The following MAGI3 variants were observed in gnomAD, a reference collection of about 807,000 sequenced individuals.
MAGI3 encodes the protein membrane associated guanylate kinase, WW and PDZ domain containing 3, also known as membrane-associated guanylate kinase, WW and PDZ domain-containing protein 3.
A neutral mutation model predicts 121.8 loss-of-function variants in MAGI3; 43 were observed. The ratio of observed to expected loss-of-function variants is 0.35; its 90% CI spans 0.28 to 0.46. The LOEUF (loss-of-function observed/expected upper bound fraction) is 0.46. MAGI3 is among the 20% of genes least tolerant of loss of function. The pLI, the probability that MAGI3 is intolerant of heterozygous loss-of-function variation, is 1.00. For synonymous variants in MAGI3, 553 were observed against 639.3 expected, an observed-to-expected ratio of 0.86 and a Z score of 2.04; for missense variants, 1,547 against 1,797.3, an observed-to-expected ratio of 0.86 and a Z score of 2.52.
At chr1:113,589,063 A>G (rs1235078220) in intron 4 of MAGI3, among the ~76,000 whole-genome samples, 3 of 152,134 alleles carry the variant, frequency 2.0e-5, no homozygotes, top group Non-Finnish European at 4.4e-5. Flanking sequence ...AGCCCTAGCT[A>G]GGAGTACAAA....
At chr1:113,542,106 A>G (rs765432405) in intron 1 of MAGI3, among the ~76,000 whole-genome samples, 1 of 152,148 alleles carries the variant, frequency 6.6e-6, no homozygotes, top group Non-Finnish European at 1.5e-5. Flanking sequence ...TCTGTACAGT[A>G]GTCCCCCCCT....
intron 16 of MAGI3, among the ~76,000 whole-genome samples, chr1:113,667,907 C>G (rs886264333): frequency 4.6e-5 from 7 of 152,074 alleles, no homozygotes; most frequent in Non-Finnish European, 1.0e-4. Context: ...TTGATGGAGC[C>G]AGCACACACA....
chr1:113,611,088 CTT>C (rs139111390), intron 6 of MAGI3, among the ~76,000 whole-genome samples: 23 of 137,148 alleles, frequency 1.7e-4, no homozygotes, highest in Admixed American at 3.7e-4. Flanking sequence ...CATAATTATT[CTT>C]TTTTTTTTTT....
At chr1:113,486,509 T>G (rs1258218772) in intron 1 of MAGI3, among the ~76,000 whole-genome samples, 1 of 152,230 alleles carries the variant, frequency 6.6e-6, no homozygotes, top group African/African-American at 2.4e-5. Flanking sequence ...GATTTGATTC[T>G]CAGTCAAGCT....
intron 6 of MAGI3, among the ~76,000 whole-genome samples, chr1:113,607,448 A>G (rs1013450919): frequency 1.3e-5 from 2 of 152,194 alleles, no homozygotes; most frequent in African/African-American, 4.8e-5. Context: ...TAAAATGGAA[A>G]TGTCACTTTA....
intron 1 of MAGI3, among the ~76,000 whole-genome samples, chr1:113,529,663 C>T (rs1045665466): frequency 6.6e-6 from 1 of 152,132 alleles, no homozygotes; most frequent in Non-Finnish European, 1.5e-5. Context: ...TCCATAGAGG[C>T]ATGCCTAGTA....
intron 2 of MAGI3, among the ~76,000 whole-genome samples, chr1:113,563,750 A>G (rs1333605635): frequency 2.0e-5 from 3 of 152,184 alleles, no homozygotes; most frequent in Non-Finnish European, 2.9e-5. Flanking sequence ...CTGGTTTTCT[A>G]TTCACAAACC....
chr1:113,659,462 A>G (rs1386368352), intron 16 of MAGI3, among the ~76,000 whole-genome samples, 197 bp downstream of exon 16: 1 of 152,214 alleles, frequency 6.6e-6, no homozygotes, highest in Non-Finnish European at 1.5e-5. Context: ...CAGCTCAAGA[A>G]AAATAATCCA....
At chr1:113,519,412 A>T (rs1027076204) in intron 1 of MAGI3, among the ~76,000 whole-genome samples, 1 of 152,186 alleles carries the variant, frequency 6.6e-6, no homozygotes, top group Non-Finnish European at 1.5e-5. Context: ...TTTCTTTTTG[A>T]TATGACTTTT....
Position 113,391,012 on chromosome 1 carries a change from C to G in MAGI3, c.-22C>G. ...CCCGGCCGCCCGCGCGGGGTCTCCC[C>G]CATGGTGCAGCGGGGTTCGGGATGT... On this transcript the variant is annotated 5_prime_UTR_variant, in exon 1 of 21. Transcript: ENST00000307546. This position sits in a 1 kb window ranked among gnomAD's most constrained non-coding sequence, Gnocchi z 4.4. 6.4e-7 allele frequency: 1 copy of G among 1,551,998 alleles called. No individual in the cohort carries two copies. The highest frequency in any genetic ancestry group is 8.7e-7 in the Non-Finnish European group (1 of 1,152,140).
At chr1:113,545,034 CT>C (rs71090708) in intron 1 of MAGI3, among the ~76,000 whole-genome samples, 160 of 143,182 alleles carry the variant, frequency 1.1e-3, no homozygotes, top group East Asian at 4.7e-3. Flanking sequence ...GTTATTGTCA[CT>C]TTTTTTTTTT....
chr1:113,677,535 A>C (rs879931564), intron 19 of MAGI3, among the ~76,000 whole-genome samples: 6 of 152,192 alleles, frequency 3.9e-5, no homozygotes, highest in Non-Finnish European at 7.3e-5. Flanking sequence ...ATTGGATTTC[A>C]TTGATAGGCA....
chr1:113,456,117 A>ATTTTTTTTTT (rs35038942), intron 1 of MAGI3, among the ~76,000 whole-genome samples: 421 of 113,016 alleles, frequency 3.7e-3, no homozygotes, highest in East Asian at 7.9e-3. Flanking sequence ...CGCCCGGCTA[A>ATTTTTTTTTT]TTTTTTTTTT....
intron 1 of MAGI3, among the ~76,000 whole-genome samples, chr1:113,433,364 T>C (rs1394683078): frequency 2.0e-5 from 3 of 152,220 alleles, no homozygotes; most frequent in African/African-American, 7.2e-5. Flanking sequence ...TGTTTTCATT[T>C]AGAGCTGTAC....
chr1:113,516,595 A>G (rs1302758987), intron 1 of MAGI3, among the ~76,000 whole-genome samples: 3 of 152,042 alleles, frequency 2.0e-5, no homozygotes, highest in Admixed American at 6.6e-5. Context: ...AAATGATCTC[A>G]TAAATTAATA....
At chr1:113,548,840 G>T (rs1659648161) in intron 1 of MAGI3, among the ~76,000 whole-genome samples, 1 of 152,176 alleles carries the variant, frequency 6.6e-6, no homozygotes, top group African/African-American at 2.4e-5. Context: ...AATCAGTGGT[G>T]GCTTAGATTA....
chr1:113,623,089 A>C, intron 9 of MAGI3, 95 bp downstream of exon 9: 1 of 821,758 alleles, frequency 1.2e-6, no homozygotes, highest in East Asian at 3.3e-5. Flanking sequence ...AGAAATAATT[A>C]AATTATATAA....
intron 9 of MAGI3, among the ~76,000 whole-genome samples, chr1:113,626,979 G>A (rs2101796451): frequency 6.6e-6 from 1 of 151,906 alleles, no homozygotes; most frequent in African/African-American, 2.4e-5. Flanking sequence ...TTAATCTAGA[G>A]CTTAGTTTTC....
intron 1 of MAGI3, among the ~76,000 whole-genome samples, chr1:113,432,089 GA>G (rs1653330010): frequency 6.6e-6 from 1 of 152,256 alleles, no homozygotes; most frequent in Non-Finnish European, 1.5e-5. Context: ...CAAGTTTGTG[GA>G]AAAAGAATAA....
Sources: allele counts gnomAD v4.1 joint callset (sites outside exome capture counted in the v4.1 genomes callset), GRCh38; gene constraint gnomAD v4.1.1; non-coding constraint Gnocchi (gnomAD v3.1); transcripts MANE v1.5; gene names NCBI Gene and HGNC (gene_info 2026-07-23, HGNC 2026-07-21).